The following CDH18 variants were observed in gnomAD, a reference collection of about 807,000 sequenced individuals.
CDH18 encodes the protein cadherin 18, also known as cadherin-18.
CDH18 carries 31 observed loss-of-function variants against 67.9 expected under a neutral mutation model. The ratio of observed to expected loss-of-function variants is 0.46; its 90% CI spans 0.34 to 0.62. The LOEUF is 0.62. CDH18 is among the 20% of genes least tolerant of loss of function. CDH18 has a pLI of 0.01. For synonymous variants in CDH18, 362 were observed against 347.2 expected (o/e 1.04, Z -0.48); for missense variants, 890 against 975.5 (o/e 0.91, Z 1.17).
intron 5 of CDH18, among the ~76,000 whole-genome samples, chr5:19,700,036 AT>A (rs35169294): frequency 0.33 from 49,764 of 151,974 alleles, 8,342 homozygotes; most frequent in African/African-American, 0.41. Flanking sequence ...AATTATTACA[AT>A]TTTTTTCTAG....
chr5:19,963,871 G>T, intron 2 of CDH18, among the ~76,000 whole-genome samples: 1 of 151,946 alleles, frequency 6.6e-6, no homozygotes, highest in East Asian at 2.0e-4. Context: ...TCTTCACAAG[G>T]TGGCCAGATC....
chr5:20,014,332 A>G (rs1253137117), intron 2 of CDH18, among the ~76,000 whole-genome samples: 3 of 152,128 alleles, frequency 2.0e-5, no homozygotes, highest in Non-Finnish European at 2.9e-5. Flanking sequence ...TTGCAATGTG[A>G]TAAGTATTAC....
chr5:20,238,098 A>T (rs867566566), intron 2 of CDH18, among the ~76,000 whole-genome samples: 1 of 151,970 alleles, frequency 6.6e-6, no homozygotes, highest in Non-Finnish European at 1.5e-5. Flanking sequence ...AAATCGATCT[A>T]TATCTTGAAC....
intron 1 of CDH18, among the ~76,000 whole-genome samples, chr5:19,984,801 T>C (rs1052203488): frequency 6.6e-6 from 1 of 152,208 alleles, no homozygotes; most frequent in Middle Eastern, 3.2e-3. Flanking sequence ...TGTCTTCAAA[T>C]CATTAAGCTC....
intron 1 of CDH18, among the ~76,000 whole-genome samples, chr5:20,389,468 C>A (rs1744631505): frequency 6.6e-6 from 1 of 151,994 alleles, no homozygotes; most frequent in Non-Finnish European, 1.5e-5. Flanking sequence ...GATGGGTTTC[C>A]TGAATACAGC....
intron 2 of CDH18, among the ~76,000 whole-genome samples, chr5:20,191,789 T>G (rs1298646318): frequency 6.6e-6 from 1 of 152,220 alleles, no homozygotes; most frequent in Non-Finnish European, 1.5e-5. Flanking sequence ...TCCACGTCTC[T>G]GCTATTATAA....
At chr5:19,899,752 A>T (rs1789736317) in intron 2 of CDH18, among the ~76,000 whole-genome samples, 1 of 152,208 alleles carries the variant, frequency 6.6e-6, no homozygotes, top group Non-Finnish European at 1.5e-5. Flanking sequence ...TATATAACAG[A>T]ATAATAGCCA....
intron 2 of CDH18, among the ~76,000 whole-genome samples, chr5:20,136,309 G>T (rs1401857062): frequency 2.0e-5 from 3 of 152,158 alleles, no homozygotes; most frequent in African/African-American, 7.2e-5. Context: ...AGGATAGTTA[G>T]CTCTTCTTGT....
At chr5:19,960,960 T>C (rs1234008257) in intron 2 of CDH18, among the ~76,000 whole-genome samples, 4 of 147,322 alleles carry the variant, frequency 2.7e-5, no homozygotes, top group African/African-American at 7.3e-5. Flanking sequence ...ATATGTGCTA[T>C]GTGCTAGGCT....
chr5:20,010,007 T>C (rs1015629913), intron 2 of CDH18, among the ~76,000 whole-genome samples: 6 of 152,112 alleles, frequency 3.9e-5, no homozygotes, highest in Non-Finnish European at 5.9e-5. Context: ...ACTATGAGAG[T>C]ATAATCTTAT....
intron 1 of CDH18, among the ~76,000 whole-genome samples, chr5:20,550,882 G>A (rs1452957149): frequency 6.6e-6 from 1 of 152,174 alleles, no homozygotes; most frequent in African/African-American, 2.4e-5. Context: ...CATGGCAGAA[G>A]TCAAAGCAGG....
intron 1 of CDH18, among the ~76,000 whole-genome samples, chr5:20,387,687 T>G (rs943340202): frequency 6.6e-6 from 1 of 152,190 alleles, no homozygotes; most frequent in Non-Finnish European, 1.5e-5. Context: ...CCATTCAGTA[T>G]GATATTGGCT....
chr5:20,437,817 T>C (rs146668899), intron 1 of CDH18, among the ~76,000 whole-genome samples: 2,409 of 151,368 alleles, frequency 0.016, 36 homozygotes, highest in Middle Eastern at 0.02. Context: ...AAAACCTCAA[T>C]TACTTGAAAA....
chr5:20,450,565 A>G (rs1750364343), intron 1 of CDH18, among the ~76,000 whole-genome samples: 1 of 152,158 alleles, frequency 6.6e-6, no homozygotes, highest in Non-Finnish European at 1.5e-5. Context: ...AAAGAAAATG[A>G]GTACACACAC....
chr5:19,539,199 G>A (rs1000694003), intron 9 of CDH18, among the ~76,000 whole-genome samples: 1 of 152,066 alleles, frequency 6.6e-6, no homozygotes, highest in African/African-American at 2.4e-5. Context: ...TTTTAGTAAT[G>A]CTCATTGAGG....
intron 5 of CDH18, among the ~76,000 whole-genome samples, chr5:19,632,713 A>T (rs536072205): frequency 6.6e-6 from 1 of 152,322 alleles, no homozygotes; most frequent in South Asian, 2.1e-4. Context: ...TCATTTAATT[A>T]TCCTGTGATC....
intron 2 of CDH18, among the ~76,000 whole-genome samples, chr5:19,878,653 T>A: frequency 6.6e-6 from 1 of 151,990 alleles, no homozygotes; most frequent in East Asian, 1.9e-4. Context: ...TAGGGAGGTA[T>A]CACAGAGGTT....
chr5:20,240,830 T>A (rs533282286), intron 2 of CDH18, among the ~76,000 whole-genome samples: 161 of 151,970 alleles, frequency 1.1e-3, no homozygotes, highest in African/African-American at 3.6e-3. Flanking sequence ...CTTATTTGGG[T>A]GGGAAAAAAA....
intron 1 of CDH18, among the ~76,000 whole-genome samples, chr5:20,296,311 T>G (rs1404430416): frequency 6.6e-6 from 1 of 151,748 alleles, no homozygotes; most frequent in Non-Finnish European, 1.5e-5. Flanking sequence ...TGGAGTGCAG[T>G]GGCGCCATCT....
Sources: gnomAD v4.1 joint callset for allele counts (sites outside exome capture counted in the v4.1 genomes callset) on GRCh38, gnomAD v4.1.1 for gene constraint, MANE v1.5 for transcripts, NCBI Gene and HGNC (gene_info 2026-07-23, HGNC 2026-07-21) for gene names.